The following SNX7 variants were observed in gnomAD, a reference collection of about 807,000 sequenced individuals.
SNX7 encodes sorting nexin 7, also known as sorting nexin-7.
Under a neutral mutation model 48.4 loss-of-function variants are expected in SNX7, and 35 were observed. The ratio of observed to expected loss-of-function variants is 0.72; its 90% confidence interval spans 0.55 to 0.96. The LOEUF (loss-of-function observed/expected upper bound fraction) is 0.96. Among genes scored for constraint, SNX7 ranks in the 40% least tolerant of loss-of-function variants. SNX7 has a pLI of 0.00. For missense variants in SNX7, 553 were observed against 548.9 expected (o/e 1.01, Z -0.07); for synonymous variants, 190 against 190.2 (o/e 1.00, Z 0.01).
intron 7 of SNX7, among the ~76,000 whole-genome samples, chr1:98,718,276 A>G (rs1652692815): frequency 1.3e-5 from 2 of 152,264 alleles, no homozygotes; most frequent in Non-Finnish European, 1.5e-5. Flanking sequence ...TAATACATTA[A>G]TATAGAAATA....
At chr1:98,744,384 G>A (rs547687642) in intron 8 of SNX7, among the ~76,000 whole-genome samples, 12 of 151,938 alleles carry the variant, frequency 7.9e-5, no homozygotes, top group African/African-American at 2.4e-4. Context: ...AGATGATAGA[G>A]GAGGATACAG....
At chr1:98,665,929 A>T (rs1256660807) in intron 1 of SNX7, among the ~76,000 whole-genome samples, 2 of 152,132 alleles carry the variant, frequency 1.3e-5, no homozygotes, top group Non-Finnish European at 2.9e-5. Flanking sequence ...GAGACATCTA[A>T]CATACACATG....
At chr1:98,671,303 T>C (rs1649850682) in intron 1 of SNX7, among the ~76,000 whole-genome samples, 1 of 152,148 alleles carries the variant, frequency 6.6e-6, no homozygotes, top group Non-Finnish European at 1.5e-5. Context: ...AAACAGAATA[T>C]TTGATTAACT....
chr1:98,678,852 C>A (rs1375753606), intron 1 of SNX7, among the ~76,000 whole-genome samples: 1 of 151,950 alleles, frequency 6.6e-6, no homozygotes, highest in African/African-American at 2.4e-5. Context: ...AGTGGAAAAC[C>A]TATTGATGGT....
intron 8 of SNX7, among the ~76,000 whole-genome samples, chr1:98,754,943 T>TA (rs1654769076): frequency 1.3e-5 from 2 of 152,030 alleles, no homozygotes; most frequent in East Asian, 3.9e-4. Context: ...CATTTAGTGC[T>TA]AAAAAATCTC....
chr1:98,705,437 G>C (rs1570545930), intron 7 of SNX7, among the ~76,000 whole-genome samples: 1 of 152,132 alleles, frequency 6.6e-6, no homozygotes, highest in Non-Finnish European at 1.5e-5. Context: ...GAAATTATTA[G>C]TACCTTTCTA....
chr1:98,662,222 C>T (rs1649276533), intron 1 of SNX7: 3 of 227,588 alleles, frequency 1.3e-5, no homozygotes, highest in African/African-American at 2.3e-5. Flanking sequence ...CTGACACAGA[C>T]ATCTTCCTCG....
chr1:98,747,097 A>G (rs548310136), intron 8 of SNX7, among the ~76,000 whole-genome samples: 31 of 152,226 alleles, frequency 2.0e-4, no homozygotes, highest in African/African-American at 6.0e-4. Context: ...TCTGACTTAA[A>G]AAAAGTAATT....
chr1:98,734,223 G>A (rs909768117), intron 7 of SNX7, among the ~76,000 whole-genome samples: 12 of 152,078 alleles, frequency 7.9e-5, no homozygotes, highest in African/African-American at 2.9e-4. Flanking sequence ...CTTCCATTCT[G>A]TATCTGTAAA....
Position 98,691,063 on chromosome 1 carries a change from T to G in SNX7, c.364-12T>G, listed in dbSNP as rs1300298544. ...TATTGCATGTGCTGTTATTTTCTCTTACTTTCTTCAGACATCTCGTGGGGA... is the reference window on the plus strand; with the variant it reads ...TATTGCATGTGCTGTTATTTTCTCTGACTTTCTTCAGACATCTCGTGGGGA... On this transcript the variant is annotated splice_polypyrimidine_tract_variant and intron_variant, in intron 2 of 8. Transcript: ENST00000306121. 6.4e-7 allele frequency: 1 copy of G among 1,570,736 alleles called. No individual in the cohort carries two copies. Among genetic ancestry groups the G allele is most frequent in the African/African-American group, 1.4e-5 (1 of 73,572 alleles).
chr1:98,682,758 A>G lies in SNX7; in HGVS notation c.181-2127A>G, dbSNP rs574436213. Among the ~76,000 whole-genome samples the G allele has an allele frequency of 9.8e-5, 15 of 152,318 alleles. No individual in the cohort carries two copies. In the South Asian group the frequency reaches 3.1e-3, roughly 32 times the overall value. ...CATGGTGATGGATGCTTGTAGGAGTACTACCTACCCAACCAGTGTCCTGTT... is the reference window on the plus strand; with the variant it reads ...CATGGTGATGGATGCTTGTAGGAGTGCTACCTACCCAACCAGTGTCCTGTT... On this transcript the variant is annotated intron_variant, in intron 1 of 8. Transcript: ENST00000306121.
At chr1:98,731,183 C>A (rs1188860900) in intron 7 of SNX7, among the ~76,000 whole-genome samples, 1 of 145,884 alleles carries the variant, frequency 6.9e-6, no homozygotes, top group Non-Finnish European at 1.5e-5. Context: ...CAAAAGAAAA[C>A]TCCAAAGTAT....
At chr1:98,754,141 T>G (rs1362420256) in intron 8 of SNX7, among the ~76,000 whole-genome samples, 1 of 152,126 alleles carries the variant, frequency 6.6e-6, no homozygotes, top group African/African-American at 2.4e-5. Flanking sequence ...TCTGTTGAGA[T>G]AATATTGCAT....
chr1:98,661,649 A>C (rs12723363), upstream of SNX7: 1 of 1,129,560 alleles, frequency 8.9e-7, no homozygotes, highest in East Asian at 3.8e-5. Flanking sequence ...GGGGAGGTGC[A>C]GGAGACGTGG....
At chr1:98,682,063 T>C (rs944592136) in intron 1 of SNX7, among the ~76,000 whole-genome samples, 10 of 149,128 alleles carry the variant, frequency 6.7e-5, no homozygotes, top group African/African-American at 1.8e-4. Flanking sequence ...TATGTCATTA[T>C]CAGTTTTCTT....
chr1:98,710,916 T>C (rs971710810), intron 7 of SNX7, among the ~76,000 whole-genome samples: 4 of 152,232 alleles, frequency 2.6e-5, no homozygotes, highest in Non-Finnish European at 4.4e-5. Context: ...TTAACGTTTA[T>C]ATATCTAGGA....
chr1:98,691,217 T>C (rs758039362), intron 3 of SNX7, 32 bp downstream of exon 3: 3 of 1,381,276 alleles, frequency 2.2e-6, no homozygotes, highest in South Asian at 1.3e-5. Flanking sequence ...TTTCATAGAA[T>C]AGCTACCAGT....
intron 1 of SNX7, among the ~76,000 whole-genome samples, chr1:98,664,884 A>G (rs1357888031): frequency 6.6e-6 from 1 of 152,196 alleles, no homozygotes; most frequent in African/African-American, 2.4e-5. Flanking sequence ...ATAAAAAAAT[A>G]AAAAAGATAC....
chr1:98,693,467 A>G (rs1042692189), intron 4 of SNX7, among the ~76,000 whole-genome samples: 2 of 152,232 alleles, frequency 1.3e-5, no homozygotes, highest in African/African-American at 4.8e-5. Flanking sequence ...ATAGTCCTCT[A>G]TGGAAGCCCT....
Sources: gnomAD v4.1 joint callset for allele counts (sites outside exome capture counted in the v4.1 genomes callset) on GRCh38, gnomAD v4.1.1 for gene constraint, MANE v1.5 for transcripts, NCBI Gene and HGNC (gene_info 2026-07-23, HGNC 2026-07-21) for gene names.